EYS: variants seen among roughly 807,000 people sequenced by gnomAD.
EYS encodes EGF-like photoreceptor maintenance factor.
Under a neutral mutation model 282.1 loss-of-function variants are expected in EYS, and 250 were observed. That is an observed-to-expected ratio of 0.89 (90% CI 0.80 to 0.98). EYS has a LOEUF of 0.98. Ranked by LOEUF, EYS falls within the 50% of genes least tolerant of loss-of-function variation. EYS has a pLI of 0.00. For missense variants in EYS, 4,016 were observed against 3,709.0 expected (o/e 1.08, Z -2.15); for synonymous variants, 1,355 against 1,282.9 (o/e 1.06, Z -1.20).
intron 35 of EYS, among the ~76,000 whole-genome samples, chr6:63,878,352 G>A (rs1163024272): frequency 6.6e-6 from 1 of 152,088 alleles, no homozygotes; most frequent in South Asian, 2.1e-4. Context: ...CGTTTCAGAG[G>A]GGCACCTGGC....
chr6:64,827,406 A>G (rs1469562943), intron 19 of EYS, among the ~76,000 whole-genome samples: 1 of 151,804 alleles, frequency 6.6e-6, no homozygotes, highest in Non-Finnish European at 1.5e-5. Flanking sequence ...CTTTATCACT[A>G]CTTATTTGAG....
At chr6:63,857,944 C>T (rs535861480) in intron 36 of EYS, among the ~76,000 whole-genome samples, 3 of 152,046 alleles carry the variant, frequency 2.0e-5, no homozygotes, top group Non-Finnish European at 4.4e-5. Context: ...ACACCATTGG[C>T]TAGATATGTG....
intron 15 of EYS, among the ~76,000 whole-genome samples, chr6:64,926,247 C>T (rs561229035): frequency 2.0e-5 from 3 of 152,164 alleles, no homozygotes; most frequent in Non-Finnish European, 2.9e-5. Context: ...ATTTGCCTCT[C>T]AATTCTAGCC....
chr6:63,803,112 G>A (rs773473696), intron 37 of EYS, among the ~76,000 whole-genome samples: 3 of 152,148 alleles, frequency 2.0e-5, no homozygotes, highest in Non-Finnish European at 2.9e-5. Flanking sequence ...TTTGGTGGCA[G>A]TATTTCAGTA....
chr6:64,636,119 C>G (rs536478586), intron 22 of EYS, among the ~76,000 whole-genome samples: 2 of 152,086 alleles, frequency 1.3e-5, no homozygotes, highest in Non-Finnish European at 2.9e-5. Context: ...CAAAAAAGAG[C>G]CTGCATCACC....
At chr6:65,485,551 T>G (rs770618832) in intron 5 of EYS, among the ~76,000 whole-genome samples, 5 of 152,240 alleles carry the variant, frequency 3.3e-5, no homozygotes, top group Admixed American at 2.0e-4. Context: ...ACTCCTGTAA[T>G]TCCAGCACTT....
At chr6:64,117,486 AAG>A (rs57502214) in intron 31 of EYS, among the ~76,000 whole-genome samples, 7,651 of 151,930 alleles carry the variant, frequency 0.05, 557 homozygotes, top group African/African-American at 0.16. Flanking sequence ...ATTAAGAAAA[AAG>A]AGAATATTCA....
chr6:63,767,583 CACAA>C (rs1018453211), intron 40 of EYS, among the ~76,000 whole-genome samples: 1 of 151,920 alleles, frequency 6.6e-6, no homozygotes, highest in African/African-American at 2.4e-5. Context: ...TCAGAGATAA[CACAA>C]ACAAATGAAA....
At chr6:64,624,441 C>T (rs146330023) in intron 23 of EYS, among the ~76,000 whole-genome samples, 1 of 152,032 alleles carries the variant, frequency 6.6e-6, no homozygotes, top group African/African-American at 2.4e-5. Flanking sequence ...TGTTTGTGGG[C>T]ACAATAAAGA....
chr6:64,525,638 A>G (rs1472834714), intron 26 of EYS, among the ~76,000 whole-genome samples: 1 of 151,716 alleles, frequency 6.6e-6, no homozygotes, highest in Non-Finnish European at 1.5e-5. Flanking sequence ...GTTTACCTAT[A>G]CAACAAACCT....
At chr6:64,428,633 G>A (rs898887618) in intron 28 of EYS, among the ~76,000 whole-genome samples, 2 of 152,018 alleles carry the variant, frequency 1.3e-5, no homozygotes, top group African/African-American at 4.8e-5. Context: ...CCTCTAAAGG[G>A]CATACATTTG....
chr6:65,632,591 T>C (rs556395085), intron 2 of EYS, among the ~76,000 whole-genome samples: 2 of 152,364 alleles, frequency 1.3e-5, no homozygotes, highest in East Asian at 3.9e-4. Flanking sequence ...TATCAATTAC[T>C]ATCCTCATTT....
At chr6:63,902,530 A>C (rs778523052) in intron 35 of EYS, among the ~76,000 whole-genome samples, 6 of 152,160 alleles carry the variant, frequency 3.9e-5, no homozygotes, top group Admixed American at 2.0e-4. Flanking sequence ...CAGTAATTAT[A>C]ACATTGTATT....
intron 5 of EYS, among the ~76,000 whole-genome samples, chr6:65,456,689 G>A (rs1186898866): frequency 3.3e-5 from 5 of 151,034 alleles, no homozygotes; most frequent in African/African-American, 1.2e-4. Context: ...TGCATAAAAA[G>A]CATTTGACAA....
intron 8 of EYS, among the ~76,000 whole-genome samples, chr6:65,360,071 A>C (rs1764641061): frequency 6.6e-6 from 1 of 151,998 alleles, no homozygotes; most frequent in African/African-American, 2.4e-5. Flanking sequence ...TTGACACATA[A>C]GAACTATTAT....
chr6:65,446,010 TAGTATAAATAACATGGTTTTA>T (rs1220600944), intron 5 of EYS, among the ~76,000 whole-genome samples: 15 of 151,962 alleles, frequency 9.9e-5, no homozygotes, highest in Admixed American at 2.6e-4. Context: ...AAAATTTTCA[TAGTATAAATAACATGGTTTTA>T]ACCCAGAGGT....
chr6:63,940,400 A>G (rs1401206440), intron 35 of EYS, among the ~76,000 whole-genome samples: 2 of 152,070 alleles, frequency 1.3e-5, no homozygotes, highest in Admixed American at 6.6e-5. Context: ...TCTGCAAAAT[A>G]CCTTTTAATC....
chr6:64,099,974 T>G (rs968427867), intron 31 of EYS, among the ~76,000 whole-genome samples: 3 of 152,222 alleles, frequency 2.0e-5, no homozygotes, highest in African/African-American at 7.2e-5. Context: ...GAAACAGTTT[T>G]TCTTATTCTG....
intron 30 of EYS, among the ~76,000 whole-genome samples, chr6:64,246,729 T>A (rs1483820176): frequency 6.6e-6 from 1 of 152,198 alleles, no homozygotes; most frequent in Non-Finnish European, 1.5e-5. Flanking sequence ...ACCTTTGTTC[T>A]AATCCATAGA....
Sources: allele counts gnomAD v4.1 joint callset (sites outside exome capture counted in the v4.1 genomes callset), GRCh38; gene constraint gnomAD v4.1.1; transcripts MANE v1.5; gene names NCBI Gene and HGNC (gene_info 2026-07-23, HGNC 2026-07-21).